LACTB: variants seen among roughly 807,000 people sequenced by gnomAD.
The protein encoded by LACTB is lactamase beta, also known as serine beta-lactamase-like protein LACTB, mitochondrial.
LACTB carries 35 observed loss-of-function variants against 50.2 expected under a neutral mutation model. That is an observed-to-expected ratio of 0.70 (90% confidence interval 0.53 to 0.92). LACTB has a LOEUF of 0.92. Ranked by LOEUF, LACTB falls within the 40% of genes least tolerant of loss-of-function variation. LACTB has a pLI of 0.00. For missense variants in LACTB, 664 were observed against 691.8 expected (o/e 0.96, Z 0.45); for synonymous variants, 252 against 268.2 (o/e 0.94, Z 0.59).
chr15:63,139,066 C>T (rs2037201688), intron 5 of LACTB, among the ~76,000 whole-genome samples: 2 of 136,968 alleles, frequency 1.5e-5, no homozygotes, highest in Admixed American at 7.2e-5. Context: ...AAAAAAAAAT[C>T]GGCCAGGAAC....
At chr15:63,131,422 T>C (rs2037132059) in intron 5 of LACTB, 1 of 152,254 alleles carries the variant, frequency 6.6e-6, no homozygotes, top group Non-Finnish European at 1.5e-5. Context: ...TAAAATAGTA[T>C]ATGAAATAAT....
intron 1 of LACTB, 104 bp downstream of exon 1, chr15:63,122,332 G>A: frequency 1.0e-6 from 1 of 1,000,398 alleles, no homozygotes; most frequent in Non-Finnish European, 1.4e-6. Flanking sequence ...GGGTGCCCGC[G>A]ATCGGCTTCC....
chr15:63,122,545 T>G (rs887891405), intron 1 of LACTB, 91 bp from the exon 2 acceptor site: 24 of 1,037,174 alleles, frequency 2.3e-5, no homozygotes, highest in Non-Finnish European at 3.3e-5. Flanking sequence ...GGGCCCAGGC[T>G]CAGGGGGCGG....
At chr15:63,128,726 A>ATATAT (rs1566990943) in intron 4 of LACTB, among the ~76,000 whole-genome samples, 1 of 152,038 alleles carries the variant, frequency 6.6e-6, no homozygotes, top group African/African-American at 2.4e-5. Flanking sequence ...GTGTGCCTAC[A>ATATAT]TTTATTTTAT....
At chr15:63,138,759 G>T (rs1191408578) in intron 5 of LACTB, among the ~76,000 whole-genome samples, 1 of 152,140 alleles carries the variant, frequency 6.6e-6, no homozygotes, top group African/African-American at 2.4e-5. Context: ...AAGTTACAGA[G>T]CTGGGCGCAG....
At chr15:63,139,961 G>C (rs565544235) in intron 5 of LACTB, among the ~76,000 whole-genome samples, 135 of 150,648 alleles carry the variant, frequency 9.0e-4, no homozygotes, top group African/African-American at 3.1e-3. Flanking sequence ...AAAAATCTTA[G>C]CCAGGTATGG....
intron 5 of LACTB, among the ~76,000 whole-genome samples, chr15:63,133,914 A>T (rs1185017391): frequency 6.6e-6 from 1 of 152,258 alleles, no homozygotes; most frequent in African/African-American, 2.4e-5. Context: ...AGGAAAAAGT[A>T]TTTGGAAAGC....
chr15:63,141,280 A>G lies in LACTB; in HGVS notation c.1119A>G (p.Arg373=), dbSNP rs141359095. The G allele has an allele frequency of 3.2e-6, 5 of 1,584,114 alleles. No individual in the cohort carries two copies. The highest frequency in any genetic ancestry group is 4.3e-6 in the Non-Finnish European group (5 of 1,165,626). Residue 373 remains arginine, a splice_region_variant and synonymous_variant, in exon 6 of 6, where the codon AGA becomes AGG. Coordinates refer to ENST00000261893, the MANE Select transcript of LACTB (RefSeq NM_032857.5). ...ENEPVIYNRA[R]FYVYNKKKRL... ...ATGATCATTTCTTATTTCCTTTTAGATTTTATGTTTACAATAAAAAGAAAC... is the reference window on the plus strand; with the variant it reads ...ATGATCATTTCTTATTTCCTTTTAGGTTTTATGTTTACAATAAAAAGAAAC...
At chr15:63,125,457 C>T (rs938941779) in intron 2 of LACTB, among the ~76,000 whole-genome samples, 1 of 151,890 alleles carries the variant, frequency 6.6e-6, no homozygotes, top group Non-Finnish European at 1.5e-5. Context: ...CGTGAGCCAC[C>T]GTGCCCAGCT....
rs926728684 is a variant in LACTB at position 63,127,671 on chromosome 15, C to T, written c.934C>T (p.Pro312Ser). 6 of 1,591,340 alleles carry T rather than the reference C, an allele frequency of 3.8e-6. No homozygotes were observed. Among genetic ancestry groups the T allele is most frequent in the Non-Finnish European group, 5.2e-6 (6 of 1,164,780 alleles). The change falls in exon 4 of 6, where the codon CCT becomes TCT. Residue 312 changes from proline (P) to serine (S), a missense_variant. Coordinates refer to ENST00000261893, the MANE Select transcript of LACTB (RefSeq NM_032857.5). ...ATCCCTAAGATTATTTAAAAATGAT[C>T]CTTTGTTCTTCAAACCTGGTGAGTG... is the stretch of plus-strand genomic sequence containing the variant. ...IESLRLFKND[P>S]LFFKPGSQFL...
chr15:63,136,600 A>T (rs1012673342), intron 5 of LACTB, among the ~76,000 whole-genome samples: 1 of 152,166 alleles, frequency 6.6e-6, no homozygotes, highest in Non-Finnish European at 1.5e-5. Flanking sequence ...TACAGTATCT[A>T]TTTGGGCCTC....
chr15:63,122,274 C>T (rs1566988555), intron 1 of LACTB, 46 bp downstream of exon 1: 1 of 1,459,168 alleles, frequency 6.9e-7, no homozygotes, highest in Non-Finnish European at 9.1e-7. Context: ...GGATCCACCC[C>T]TGTCGGCGGT....
chr15:63,129,350 T>C (rs2037098134), intron 4 of LACTB, 135 bp from the exon 5 acceptor site: 1 of 716,092 alleles, frequency 1.4e-6, no homozygotes, highest in East Asian at 3.0e-5. Context: ...GTATTGCCTG[T>C]GTTCTTTTTC....
At chr15:63,129,806 A>G in intron 5 of LACTB, 156 bp downstream of exon 5, 1 of 975,704 alleles carries the variant, frequency 1.0e-6, no homozygotes, top group East Asian at 3.2e-5. Context: ...AAGTGAAGGA[A>G]GTAAAACATG....
Position 63,127,662 on chromosome 15 carries a change from A to G in LACTB, c.925A>G (p.Lys309Glu). The change falls in exon 4 of 6, where the codon AAA becomes GAA. Residue 309 changes from lysine (K) to glutamate (E), a missense_variant. Lys to Glu is a moderately conservative substitution (Grantham distance 56). Transcript: ENST00000261893. ...TTCAATTGAATCCCTAAGATTATTT[A>G]AAAATGATCCTTTGTTCTTCAAACC... ...ENSIESLRLFKNDPLFFKPGS... is the reference protein window; with the variant it reads ...ENSIESLRLFENDPLFFKPGS... 1 of 1,597,672 alleles carries G rather than the reference A, an allele frequency of 6.3e-7. No individual in the cohort carries two copies. The highest frequency in any genetic ancestry group is 8.6e-7 in the Non-Finnish European group (1 of 1,168,902).
chr15:63,122,513 C>CG, intron 1 of LACTB, 123 bp from the exon 2 acceptor site: 2 of 817,540 alleles, frequency 2.4e-6, no homozygotes, highest in Non-Finnish European at 4.2e-6. Flanking sequence ...ACGAGGTGGG[C>CG]GGGGCCCAGG....
intron 5 of LACTB, among the ~76,000 whole-genome samples, chr15:63,140,783 T>C (rs544512737): frequency 1.3e-5 from 2 of 152,298 alleles, no homozygotes; most frequent in South Asian, 2.1e-4. Flanking sequence ...ACCCAGCTTA[T>C]ATGGTATTTT....
intron 4 of LACTB, 137 bp downstream of exon 4, chr15:63,127,826 T>C (rs985013666): frequency 1.6e-6 from 1 of 608,346 alleles, no homozygotes; most frequent in Non-Finnish European, 2.7e-6. Context: ...GCTTGCGTTT[T>C]TGTCTGTAGT....
At chr15:63,122,323 G>A in intron 1 of LACTB, 95 bp downstream of exon 1, 5 of 1,103,566 alleles carry the variant, frequency 4.5e-6, no homozygotes, top group Non-Finnish European at 6.3e-6. Context: ...GGGGCGGCGG[G>A]GTGCCCGCGA....
Sources: gnomAD v4.1 joint callset for allele counts (sites outside exome capture counted in the v4.1 genomes callset) on GRCh38, gnomAD v4.1.1 for gene constraint, MANE v1.5 for transcripts, NCBI Gene and HGNC (gene_info 2026-07-23, HGNC 2026-07-21) for gene names.